Variants in ZNF423 observed in about 807,000 individuals in gnomAD.
ZNF423 encodes the protein zinc finger protein 423, also known as Ebf-associated zinc finger protein.
Under a neutral mutation model 95.8 loss-of-function variants are expected in ZNF423, and 12 were observed. The ratio of observed to expected loss-of-function variants is 0.13; its 90% CI spans 0.08 to 0.20. ZNF423 has a LOEUF of 0.20. Ranked by LOEUF, ZNF423 falls within the 10% of genes least tolerant of loss-of-function variation. The pLI is 1.00. For synonymous variants in ZNF423, 749 were observed against 711.9 expected, an observed-to-expected ratio of 1.05 and a Z score of -0.83; for missense variants, 1,316 against 1,737.1, an observed-to-expected ratio of 0.76 and a Z score of 4.31.
chr16:49,857,306 T>TGGCGGC (rs59062897), upstream of ZNF423, among the ~76,000 whole-genome samples: 39,960 of 144,286 alleles, frequency 0.28, 5,857 homozygotes, highest in East Asian at 0.58. The surrounding 1 kb of genome is among the most constrained non-coding windows in gnomAD (Gnocchi z 6.2). Context: ...CGGACCGTGG[T>TGGCGGC]GGCGGCGGCG....
At chr16:49,668,912 G>C (rs1319861509) in intron 3 of ZNF423, among the ~76,000 whole-genome samples, 1 of 152,200 alleles carries the variant, frequency 6.6e-6, no homozygotes, top group African/African-American at 2.4e-5. Context: ...GATGGTGACA[G>C]TGCATGTCTC....
chr16:49,637,263 C>G lies in ZNF423; in HGVS notation c.1913G>C (p.Gly638Ala). Residue 638 changes from glycine to alanine, a missense_variant, in exon 4 of 8, where the codon GGG becomes GCG. Gly to Ala is a moderately conservative substitution (Grantham distance 60). Around this residue, in one of 6 missense-constraint regions of ZNF423, gnomAD observed 620 missense variants for 775.6 expected, o/e 0.80. Transcript: ENST00000563137. The surrounding 1 kb of genome is among the most constrained non-coding windows in gnomAD (Gnocchi z 5.6). ...GTCGCATTGATTGCAAGGATACTCC[C>G]CATTGGAGATGGAGTTGGCGCTTGC... The part of the protein sequence containing the change: ...LSASANSISN[G>A]EYPCNQCDLK... 6.2e-7 allele frequency: 1 copy of G among 1,614,188 alleles called. No individual in the cohort carries two copies. The highest frequency in any genetic ancestry group is 8.5e-7 in the Non-Finnish European group (1 of 1,180,044).
chr16:49,846,715 C>T (rs2035250217), intron 1 of ZNF423, among the ~76,000 whole-genome samples: 1 of 152,232 alleles, frequency 6.6e-6, no homozygotes. Context: ...CTCCCTCTCC[C>T]TCTCCCTGGG....
chr16:49,565,518 G>T (rs1970159296), intron 5 of ZNF423, among the ~76,000 whole-genome samples: 1 of 152,184 alleles, frequency 6.6e-6, no homozygotes, highest in Admixed American at 6.5e-5. Context: ...GTAAGAGAAA[G>T]GGGCTTTTCT....
chr16:49,536,563 C>G (rs1047594859), intron 5 of ZNF423, among the ~76,000 whole-genome samples: 2 of 151,156 alleles, frequency 1.3e-5, no homozygotes, highest in African/African-American at 2.4e-5. Context: ...CTGCCTCAGA[C>G]TCCTGAGCAG....
intron 5 of ZNF423, among the ~76,000 whole-genome samples, chr16:49,562,023 T>C (rs1159229014): frequency 1.3e-5 from 2 of 152,202 alleles, no homozygotes; most frequent in South Asian, 2.1e-4. Context: ...CAGTAGTGAG[T>C]GGCTTCTGTC....
At chr16:49,687,973 C>T (rs991957208) in intron 3 of ZNF423, among the ~76,000 whole-genome samples, 1 of 151,556 alleles carries the variant, frequency 6.6e-6, no homozygotes. Context: ...AACCCATCTG[C>T]CCTCCCAAAA....
At chr16:49,854,775 C>G in intron 1 of ZNF423, 2 of 985,382 alleles carry the variant, frequency 2.0e-6, no homozygotes, top group Non-Finnish European at 2.4e-6. Flanking sequence ...GGGGTCCCCT[C>G]GAGCTGGGGG....
intron 7 of ZNF423, among the ~76,000 whole-genome samples, chr16:49,493,964 T>G (rs955569893): frequency 6.6e-6 from 1 of 152,126 alleles, no homozygotes; most frequent in Non-Finnish European, 1.5e-5. Context: ...TGATATTCGA[T>G]CTCCACAAAA....
chr16:49,763,228 T>A, intron 2 of ZNF423, among the ~76,000 whole-genome samples: 1 of 152,108 alleles, frequency 6.6e-6, no homozygotes, highest in Non-Finnish European at 1.5e-5. Flanking sequence ...AGCAGGTATT[T>A]TTGTTGTTGT....
chr16:49,680,544 A>G (rs2031308334), intron 3 of ZNF423, among the ~76,000 whole-genome samples: 2 of 152,186 alleles, frequency 1.3e-5, no homozygotes, highest in Non-Finnish European at 2.9e-5. Flanking sequence ...GGGCTGTGAC[A>G]CCTTCCTTGG....
At chr16:49,545,935 CCA>C in intron 5 of ZNF423, among the ~76,000 whole-genome samples, 1 of 152,350 alleles carries the variant, frequency 6.6e-6, no homozygotes, top group South Asian at 2.1e-4. Flanking sequence ...GGCCTTTCAA[CCA>C]CAGAGCTGTG....
chr16:49,524,378 C>T (rs536105527), intron 6 of ZNF423, among the ~76,000 whole-genome samples: 193 of 152,340 alleles, frequency 1.3e-3, no homozygotes, highest in Non-Finnish European at 9.7e-4. Flanking sequence ...ACAGAGGCCC[C>T]CATGTCCTGG....
chr16:49,630,147 T>C (rs1972449597), intron 4 of ZNF423, among the ~76,000 whole-genome samples: 2 of 151,486 alleles, frequency 1.3e-5, no homozygotes, highest in Non-Finnish European at 1.5e-5. Flanking sequence ...GGGGGCAGGG[T>C]GGAGAGAAAG....
intron 4 of ZNF423, 82 bp from the exon 5 acceptor site, chr16:49,626,336 G>T: frequency 7.5e-7 from 1 of 1,334,312 alleles, no homozygotes; most frequent in Non-Finnish European, 1.1e-6. Flanking sequence ...GGGGGCCTGG[G>T]TCAAGACTTT....
chr16:49,498,609 G>T (rs569193567), intron 7 of ZNF423, among the ~76,000 whole-genome samples: 3 of 152,274 alleles, frequency 2.0e-5, no homozygotes, highest in Non-Finnish European at 4.4e-5. Context: ...AGCCAAAAAG[G>T]TGTGTCAGCA....
chr16:49,821,261 G>A (rs1022116600), intron 1 of ZNF423, among the ~76,000 whole-genome samples: 12 of 152,060 alleles, frequency 7.9e-5, no homozygotes, highest in East Asian at 1.9e-4. Context: ...GTGGTGGGGC[G>A]GGGGCAGGGG....
intron 3 of ZNF423, among the ~76,000 whole-genome samples, chr16:49,690,704 AT>A (rs1288352484): frequency 6.6e-6 from 1 of 152,176 alleles, no homozygotes; most frequent in Non-Finnish European, 1.5e-5. Flanking sequence ...GGATAAACAA[AT>A]GGATTATCCA....
chr16:49,633,883 C>G (rs1972588861), intron 4 of ZNF423, among the ~76,000 whole-genome samples: 1 of 152,012 alleles, frequency 6.6e-6, no homozygotes, highest in Non-Finnish European at 1.5e-5. Context: ...AGACATGCAG[C>G]TCTGTTTCTT....
Sources: gnomAD v4.1 joint callset for allele counts (sites outside exome capture counted in the v4.1 genomes callset) on GRCh38, gnomAD v4.1.1 for gene constraint, gnomAD v4.1.1 regional missense constraint, Gnocchi (gnomAD v3.1) non-coding constraint, MANE v1.5 for transcripts, NCBI Gene and HGNC (gene_info 2026-07-23, HGNC 2026-07-21) for gene names.